CYSLTR2: variants seen among roughly 807,000 people sequenced by gnomAD.
The protein encoded by CYSLTR2 is G-protein coupled receptor GPCR21.
For missense variants in CYSLTR2, 398 were observed against 411.9 expected (o/e 0.97, Z 0.29); for synonymous variants, 179 against 160.8 (o/e 1.11, Z -0.86).
intron 4 of CYSLTR2, among the ~76,000 whole-genome samples, chr13:48,701,299 A>G (rs887127741): frequency 6.6e-6 from 1 of 152,164 alleles, no homozygotes; most frequent in Admixed American, 6.5e-5. Context: ...AGACCAATGG[A>G]ACAGAATAGA....
At chr13:48,682,130 G>A (rs1474478136) in intron 1 of CYSLTR2, among the ~76,000 whole-genome samples, 1 of 152,074 alleles carries the variant, frequency 6.6e-6, no homozygotes, top group Non-Finnish European at 1.5e-5. Context: ...TGTTAACGCT[G>A]GTTCTAGTGC....
chr13:48,654,286 T>A (rs868236693), intron 1 of CYSLTR2, among the ~76,000 whole-genome samples: 2,393 of 122,192 alleles, frequency 0.02, 30 homozygotes, highest in African/African-American at 0.053. Context: ...TGTGTGTGTG[T>A]GTGTGTGTGT....
intron 1 of CYSLTR2, among the ~76,000 whole-genome samples, chr13:48,671,043 G>A (rs1003134224): frequency 6.6e-6 from 1 of 152,110 alleles, no homozygotes; most frequent in Non-Finnish European, 1.5e-5. Flanking sequence ...TGTAGCAATT[G>A]TGAATAGGAG....
chr13:48,704,009 G>A (rs1408179412), intron 4 of CYSLTR2, among the ~76,000 whole-genome samples: 4 of 152,128 alleles, frequency 2.6e-5, no homozygotes. Context: ...ACTTATGTTT[G>A]TAGGGTTATT....
At chr13:48,660,570 T>C (rs908835191) in intron 1 of CYSLTR2, among the ~76,000 whole-genome samples, 1 of 152,172 alleles carries the variant, frequency 6.6e-6, no homozygotes, top group African/African-American at 2.4e-5. Context: ...TCCATCCCAC[T>C]TCCTCTGGAA....
At chr13:48,661,558 G>A (rs1953129684) in intron 1 of CYSLTR2, among the ~76,000 whole-genome samples, 1 of 151,614 alleles carries the variant, frequency 6.6e-6, no homozygotes, top group Non-Finnish European at 1.5e-5. Flanking sequence ...CGCTCACCCT[G>A]TATGAGACAA....
intron 3 of CYSLTR2, among the ~76,000 whole-genome samples, chr13:48,693,827 G>A (rs1023215749): frequency 3.3e-5 from 5 of 152,222 alleles, no homozygotes; most frequent in Non-Finnish European, 7.3e-5. Flanking sequence ...AAGAATCACT[G>A]TTAGACAAAC....
chr13:48,670,172 T>C (rs1953384651), intron 1 of CYSLTR2, among the ~76,000 whole-genome samples: 3 of 152,234 alleles, frequency 2.0e-5, no homozygotes, highest in African/African-American at 7.2e-5. Flanking sequence ...AGATTCTGGA[T>C]ATTAGCCCTT....
chr13:48,707,918 C>G lies in CYSLTR2; in HGVS notation c.*60C>G, dbSNP rs988322626. The G allele has an allele frequency of 7.5e-7, 1 of 1,324,808 alleles. No homozygotes were observed. The highest frequency in any genetic ancestry group is 1.5e-5 in the African/African-American group (1 of 68,028). 82.1% of individuals were successfully genotyped at this position (1,324,808 alleles called of 1,614,324 possible). A position where few individuals can be genotyped will look rare whatever the true frequency, so the allele number is the denominator to read the frequency against. ...GTGTCCATCTTCATTCACTCATAGT[C>G]TCCAAATGACTTTGTATTTACATCA... is the stretch of plus-strand genomic sequence containing the variant. On this transcript the variant is annotated 3_prime_UTR_variant, in exon 5 of 5. Transcript: ENST00000682523.
intron 1 of CYSLTR2, among the ~76,000 whole-genome samples, chr13:48,679,228 C>G (rs889385476): frequency 6.6e-6 from 1 of 152,100 alleles, no homozygotes; most frequent in African/African-American, 2.4e-5. Flanking sequence ...CTCTCTCCCC[C>G]AGAACCTTAA....
At chr13:48,702,235 G>A (rs1215009130) in intron 4 of CYSLTR2, among the ~76,000 whole-genome samples, 2 of 134,452 alleles carry the variant, frequency 1.5e-5, no homozygotes, top group Non-Finnish European at 1.6e-5. Context: ...ACAGGGTGGG[G>A]AACATCACAC....
intron 4 of CYSLTR2, among the ~76,000 whole-genome samples, chr13:48,703,314 G>GT (rs1392645248): frequency 6.6e-6 from 1 of 151,950 alleles, no homozygotes; most frequent in Admixed American, 6.6e-5. Context: ...TCCTTTTTGT[G>GT]TTTTTGCCTC....
At chr13:48,692,856 G>T (rs79150972) in intron 2 of CYSLTR2, among the ~76,000 whole-genome samples, 1,570 of 151,430 alleles carry the variant, frequency 0.01, 30 homozygotes, top group African/African-American at 0.036. Context: ...TGCATGTTTT[G>T]TTAATCTATT....
At chr13:48,659,100 G>C (rs1322482175) in intron 1 of CYSLTR2, among the ~76,000 whole-genome samples, 1 of 151,970 alleles carries the variant, frequency 6.6e-6, no homozygotes, top group African/African-American at 2.4e-5. Flanking sequence ...GGGTAAACAG[G>C]CCAGGTCTGC....
intron 3 of CYSLTR2, among the ~76,000 whole-genome samples, chr13:48,695,892 C>T (rs1410920427): frequency 6.6e-6 from 1 of 152,126 alleles, no homozygotes; most frequent in Non-Finnish European, 1.5e-5. Context: ...TTTATGTAAC[C>T]ATATGTTTTC....
In CYSLTR2 at chr13:48,657,032, T is replaced by A. The variant is rs545823501; in HGVS notation, c.-266+3015T>A. On this transcript the variant is annotated intron_variant, in intron 1 of 4. Coordinates refer to ENST00000682523, the MANE Select transcript of CYSLTR2 (RefSeq NM_001308476.3). ...ACAGTATGTTCTATTGGACCAAGAC[T>A]CTGACATTGGAGTCATTGCATAGAA... is the stretch of plus-strand genomic sequence containing the variant. 4.6e-5 allele frequency among the ~76,000 whole-genome samples: 7 copies of A among 152,308 alleles called. No individual in the cohort carries two copies. The East Asian group carries it at 1.4e-3, about 29-fold the overall frequency.
chr13:48,683,853 G>A (rs1027968015), intron 1 of CYSLTR2, among the ~76,000 whole-genome samples: 1 of 152,134 alleles, frequency 6.6e-6, no homozygotes, highest in Non-Finnish European at 1.5e-5. Flanking sequence ...TGTAAATTTA[G>A]AGGATTATAA....
chr13:48,654,936 G>A (rs1952967000), intron 1 of CYSLTR2, among the ~76,000 whole-genome samples: 1 of 152,118 alleles, frequency 6.6e-6, no homozygotes, highest in South Asian at 2.1e-4. Flanking sequence ...ATACCTGAGA[G>A]TAATATGTAT....
At position 48,709,000 on chromosome 13, in the gene CYSLTR2, A is replaced by G. The variant is rs574453140; in HGVS notation, c.*1142A>G. 8 of 167,240 alleles carry G rather than the reference A, an allele frequency of 4.8e-5. No individual in the cohort carries two copies. In the East Asian group the frequency reaches 1.5e-3, roughly 32 times the overall value. 10.4% of individuals were successfully genotyped at this position (167,240 alleles called of 1,614,324 possible). A position where few individuals can be genotyped will look rare whatever the true frequency, so the allele number is the denominator to read the frequency against. ...GGGCAGATTATGCCAGGCACTTTAC[A>G]TTTGTTGATCCCATTTGACATTCAC... On this transcript the variant is annotated 3_prime_UTR_variant, in exon 5 of 5. Coordinates refer to ENST00000682523, the MANE Select transcript of CYSLTR2 (RefSeq NM_001308476.3).
Sources: allele counts gnomAD v4.1 joint callset (sites outside exome capture counted in the v4.1 genomes callset), GRCh38; gene constraint gnomAD v4.1.1; transcripts MANE v1.5; gene names NCBI Gene and HGNC (gene_info 2026-07-23, HGNC 2026-07-21).